SLIT2: variants seen among roughly 807,000 people sequenced by gnomAD.
The protein encoded by SLIT2 is slit guidance ligand 2, also known as slit homolog 2 protein.
Under a neutral mutation model 185.7 loss-of-function variants are expected in SLIT2, and 41 were observed. The observed-to-expected ratio is 0.22, with a 90% CI of 0.17 to 0.29. The LOEUF is 0.29. Among genes scored for constraint, SLIT2 ranks in the 10% least tolerant of loss-of-function variants. SLIT2 has a pLI of 1.00. For synonymous variants in SLIT2, 693 were observed against 680.2 expected (o/e 1.02, Z -0.29); for missense variants, 1,571 against 1,909.0 (o/e 0.82, Z 3.30).
At chr4:20,499,802 A>G (rs914796410) in intron 9 of SLIT2, among the ~76,000 whole-genome samples, 1 of 152,090 alleles carries the variant, frequency 6.6e-6, no homozygotes, top group Non-Finnish European at 1.5e-5. Context: ...CTGACTTTTT[A>G]TATGTAAAGA....
chr4:20,310,854 T>C (rs1287853350), intron 4 of SLIT2, among the ~76,000 whole-genome samples: 2 of 152,208 alleles, frequency 1.3e-5, no homozygotes, highest in Non-Finnish European at 2.9e-5. Flanking sequence ...TAAATCCTTA[T>C]GGATGAACTG....
chr4:20,314,120 A>G (rs1286475847), intron 4 of SLIT2, among the ~76,000 whole-genome samples: 2 of 152,194 alleles, frequency 1.3e-5, no homozygotes, highest in Non-Finnish European at 2.9e-5. Context: ...ATAAAACAGG[A>G]TGACACAGAG....
intron 4 of SLIT2, among the ~76,000 whole-genome samples, chr4:20,435,261 G>T (rs1729269514): frequency 1.3e-5 from 2 of 152,106 alleles, no homozygotes; most frequent in South Asian, 4.2e-4. Context: ...TTTCTAGTTG[G>T]TATGACAACC....
intron 4 of SLIT2, among the ~76,000 whole-genome samples, chr4:20,400,045 T>C (rs1027017446): frequency 2.0e-5 from 3 of 151,810 alleles, no homozygotes; most frequent in Non-Finnish European, 4.4e-5. Context: ...TTAAGGATAG[T>C]AACTTATGTA....
intron 4 of SLIT2, among the ~76,000 whole-genome samples, chr4:20,309,730 A>G (rs1488767912): frequency 1.4e-5 from 2 of 148,058 alleles, no homozygotes; most frequent in Admixed American, 1.3e-4. Context: ...TCTACTAACA[A>G]TCTTTGGTGA....
Position 20,398,749 on chromosome 4 carries a change from T to C in SLIT2, c.396-69003T>C, listed in dbSNP as rs549771611. The stretch of plus-strand genomic sequence containing the variant: ...TGAATGTATATTTCATTTGCTTATG[T>C]GTGGATTATAGTGTCATTTATCAAT... On this transcript the variant is annotated intron_variant, in intron 4 of 36. Transcript: ENST00000504154. Among the ~76,000 whole-genome samples the C allele has an allele frequency of 3.3e-5, 5 of 151,954 alleles. No homozygotes were observed. In the South Asian group the frequency reaches 1.0e-3, roughly 31 times the overall value.
chr4:20,360,416 T>TCATCCTAGACA (rs1722651098), intron 4 of SLIT2, among the ~76,000 whole-genome samples: 1 of 152,104 alleles, frequency 6.6e-6, no homozygotes, highest in Non-Finnish European at 1.5e-5. Flanking sequence ...AAGAGGGCTT[T>TCATCCTAGACA]AATATGAGAA....
Position 20,252,140 on chromosome 4 carries a change from C to G in SLIT2, c.-1676C>G, listed in dbSNP as rs946039602. On this transcript the variant is annotated 5_prime_UTR_variant, in exon 1 of 37. Transcript: ENST00000504154. ...AAGGGGAGCGCCGGGGGCCCGCAGCCGGCTCCGGAGGCGCGGGCCGGGTTT... is the reference window on the plus strand; with the variant it reads ...AAGGGGAGCGCCGGGGGCCCGCAGCGGGCTCCGGAGGCGCGGGCCGGGTTT... Among the ~76,000 whole-genome samples the G allele has an allele frequency of 2.0e-5, 3 of 150,852 alleles. No individual in the cohort carries two copies. Among genetic ancestry groups the G allele is most frequent in the African/African-American group, 4.9e-5 (2 of 41,036 alleles).
Position 20,254,830 on chromosome 4 carries a change from G to T in SLIT2, c.179+836G>T. On this transcript the variant is annotated intron_variant, in intron 1 of 36. Transcript: ENST00000504154. The surrounding 1 kb of genome is among the most constrained non-coding windows in gnomAD (Gnocchi z 5.1). ...CCCCTGCGTCCCCATCCACCTTTCT[G>T]GCAGTTTCTGCGCCCCTTCACGTGG... 2.3e-6 allele frequency: 1 copy of T among 430,226 alleles called. No homozygotes were observed. Among genetic ancestry groups the T allele is most frequent in the Non-Finnish European group, 4.7e-6 (1 of 213,944 alleles). 26.7% of individuals were successfully genotyped at this position (430,226 alleles called of 1,614,324 possible). A position where few individuals can be genotyped will look rare whatever the true frequency, so the allele number is the denominator to read the frequency against.
chr4:20,256,323 G>GGA (rs1577328944), intron 1 of SLIT2, among the ~76,000 whole-genome samples: 1 of 144,618 alleles, frequency 6.9e-6, no homozygotes, highest in East Asian at 2.5e-4. Flanking sequence ...TTTTGGGGGG[G>GGA]GTGCCTAACA....
At chr4:20,510,331 C>T (rs190513964) in intron 9 of SLIT2, among the ~76,000 whole-genome samples, 164 bp from the exon 10 acceptor site, 161 of 152,194 alleles carry the variant, frequency 1.1e-3, no homozygotes, top group African/African-American at 3.6e-3. Flanking sequence ...ATTTGCTTCA[C>T]ATTTAGGGAC....
At chr4:20,546,362 A>G (rs953347795) in intron 22 of SLIT2, among the ~76,000 whole-genome samples, 2 of 152,160 alleles carry the variant, frequency 1.3e-5, no homozygotes, top group Admixed American at 1.3e-4. Flanking sequence ...AATTATGAAA[A>G]TGTATAAACC....
intron 4 of SLIT2, among the ~76,000 whole-genome samples, chr4:20,371,554 G>T (rs2109318368): frequency 6.6e-6 from 1 of 152,168 alleles, no homozygotes; most frequent in East Asian, 1.9e-4. Flanking sequence ...TTCAACAGTT[G>T]CTAGGATGAT....
At chr4:20,340,934 T>A (rs1398903464) in intron 4 of SLIT2, among the ~76,000 whole-genome samples, 1 of 152,104 alleles carries the variant, frequency 6.6e-6, no homozygotes, top group East Asian at 1.9e-4. Context: ...ACACGTTAAG[T>A]TCTATGGGAA....
chr4:20,574,044 T>A (rs893345596), intron 29 of SLIT2, among the ~76,000 whole-genome samples: 22 of 151,866 alleles, frequency 1.4e-4, no homozygotes, highest in Non-Finnish European at 2.9e-4. Flanking sequence ...AAGCTCCACC[T>A]CCCAGGTTCA....
At chr4:20,505,146 A>T (rs963993111) in intron 9 of SLIT2, among the ~76,000 whole-genome samples, 1 of 152,122 alleles carries the variant, frequency 6.6e-6, no homozygotes, top group African/African-American at 2.4e-5. Context: ...AAGAAATAAA[A>T]TACCATATTT....
intron 26 of SLIT2, among the ~76,000 whole-genome samples, chr4:20,561,145 G>T (rs1049092832): frequency 1.3e-5 from 2 of 151,790 alleles, no homozygotes; most frequent in Admixed American, 6.6e-5. Context: ...AAGGGGAGGG[G>T]TCTGGTAGCC....
intron 26 of SLIT2, among the ~76,000 whole-genome samples, chr4:20,559,634 T>C (rs908824290): frequency 6.6e-6 from 1 of 151,916 alleles, no homozygotes; most frequent in African/African-American, 2.4e-5. Flanking sequence ...ACATAGATTT[T>C]TATCTCTTTT....
chr4:20,613,823 C>T (rs1162061823), intron 34 of SLIT2, among the ~76,000 whole-genome samples: 1 of 152,166 alleles, frequency 6.6e-6, no homozygotes, highest in Admixed American at 6.5e-5. Context: ...GGCAGCTTAA[C>T]CTACCCTTGG....
Sources: allele counts gnomAD v4.1 joint callset (sites outside exome capture counted in the v4.1 genomes callset), GRCh38; gene constraint gnomAD v4.1.1; non-coding constraint Gnocchi (gnomAD v3.1); transcripts MANE v1.5; gene names NCBI Gene and HGNC (gene_info 2026-07-23, HGNC 2026-07-21).